The following XRN1 variants were observed in gnomAD, a reference collection of about 807,000 sequenced individuals.
The protein encoded by XRN1 is strand-exchange protein 1 homolog.
XRN1 carries 67 observed loss-of-function variants against 222.3 expected under a neutral mutation model. That is an observed-to-expected ratio of 0.30 (90% CI 0.25 to 0.37). The LOEUF is 0.37. XRN1 is among the 10% of genes least tolerant of loss of function. The probability of loss-of-function intolerance (pLI) is 1.00; values close to 1 mark genes in which losing one functional copy is unlikely to be tolerated. For synonymous variants in XRN1, 643 were observed against 652.4 expected, an observed-to-expected ratio of 0.99 and a Z score of 0.22; for missense variants, 1,707 against 2,000.2, an observed-to-expected ratio of 0.85 and a Z score of 2.80.
intron 15 of XRN1, among the ~76,000 whole-genome samples, chr3:142,405,585 A>G (rs1253763278): frequency 3.9e-5 from 6 of 152,182 alleles, no homozygotes; most frequent in Admixed American, 3.9e-4. Context: ...AGTAAAAAGT[A>G]ACCAGGGACT....
At chr3:142,391,185 T>G (rs575185546) in intron 20 of XRN1, among the ~76,000 whole-genome samples, 2 of 152,188 alleles carry the variant, frequency 1.3e-5, no homozygotes, top group South Asian at 4.1e-4. Context: ...AAAATGGCAC[T>G]GATAGAGTTG....
At chr3:142,419,551 T>C (rs531203675) in intron 10 of XRN1, among the ~76,000 whole-genome samples, 1 of 152,292 alleles carries the variant, frequency 6.6e-6, no homozygotes, top group South Asian at 2.1e-4. Flanking sequence ...GGCTCACGCC[T>C]GTAATCCCAG....
At chr3:142,422,995 TTAAATCAA>T in intron 6 of XRN1, 73 bp from the exon 7 acceptor site, 1 of 1,218,296 alleles carries the variant, frequency 8.2e-7, no homozygotes, top group Non-Finnish European at 1.2e-6. Context: ...GTAACAAAGC[TTAAATCAA>T]AAGTATCATC....
chr3:142,393,266 T>C (rs371962323), intron 20 of XRN1, among the ~76,000 whole-genome samples: 1 of 149,846 alleles, frequency 6.7e-6, no homozygotes, highest in Non-Finnish European at 1.5e-5. Flanking sequence ...TTTCTCCCAT[T>C]TTGTAGGTCG....
At chr3:142,399,139 C>CA (rs2068034008) in intron 19 of XRN1, among the ~76,000 whole-genome samples, 1 of 144,124 alleles carries the variant, frequency 6.9e-6, no homozygotes, top group Non-Finnish European at 1.5e-5. Context: ...AGGTTTAATA[C>CA]AATTCATATA....
intron 6 of XRN1, 30 bp from the exon 7 acceptor site, chr3:142,422,952 T>A (rs1165770001): frequency 6.5e-7 from 1 of 1,539,642 alleles, no homozygotes; most frequent in African/African-American, 1.4e-5. Flanking sequence ...CAAGATACAG[T>A]GAATTTTATT....
chr3:142,365,254 C>T lies in XRN1; in HGVS notation c.3261+56G>A, dbSNP rs986911768. ...TAATATACTGAAAACATCTTTGCTC[C>T]TTCCATGCATTCAAAGTGAAAGCAA... On this transcript the variant is annotated intron_variant, in intron 28 of 40. Transcript: ENST00000392981. 16 of 1,577,150 alleles carry T rather than the reference C, an allele frequency of 1.0e-5. No homozygotes were observed. The African/African-American group carries it at 1.9e-4, about 19-fold the overall frequency.
chr3:142,332,498 C>G lies in XRN1; in HGVS notation c.4099G>C (p.Asp1367His). The change falls in exon 36 of 41, where the codon GAT (aspartate) becomes CAT (histidine). Residue 1367 changes from aspartate to histidine, a missense_variant. By Grantham distance (81) the Asp-to-His change is moderately conservative. Coordinates refer to ENST00000392981, the MANE Select transcript of XRN1 (RefSeq NM_001282857.2). Reference protein sequence around the residue: ...TRMLKEILKIDGSNTVDHKNE... With the variant: ...TRMLKEILKIHGSNTVDHKNE... ...TTATGGTCCACAGTGTTAGAGCCAT[C>G]AATTTTTAGAATTTCTTTAAGCATC... 6.2e-7 allele frequency: 1 copy of G among 1,610,730 alleles called. No individual in the cohort carries two copies. The highest frequency in any genetic ancestry group is 1.1e-5 in the South Asian group (1 of 90,400).
chr3:142,404,072 G>T (rs947909828), intron 16 of XRN1, 83 bp from the exon 17 acceptor site: 12 of 1,180,500 alleles, frequency 1.0e-5, no homozygotes, highest in African/African-American at 7.8e-5. Flanking sequence ...TGTATATTTC[G>T]TAAGAGTCAT....
chr3:142,436,839 A>C (rs1289648644), intron 1 of XRN1, among the ~76,000 whole-genome samples: 1 of 152,224 alleles, frequency 6.6e-6, no homozygotes, highest in African/African-American at 2.4e-5. Context: ...TAGAAAAGTT[A>C]GAAAGTATAT....
At chr3:142,313,332 A>T (rs2065125675) in intron 39 of XRN1, among the ~76,000 whole-genome samples, 1 of 152,180 alleles carries the variant, frequency 6.6e-6, no homozygotes, top group Admixed American at 6.5e-5. Flanking sequence ...TGCCAAATCT[A>T]ATTTGTATAT....
At chr3:142,377,954 G>C (rs2067191268) in intron 23 of XRN1, among the ~76,000 whole-genome samples, 1 of 152,080 alleles carries the variant, frequency 6.6e-6, no homozygotes, top group South Asian at 2.1e-4. Flanking sequence ...GGCACCAGAT[G>C]GTAAGATTTT....
Position 142,403,746 on chromosome 3 carries a change from T to C in XRN1, c.2031A>G (p.Gln677=). Residue 677 remains glutamine, a synonymous_variant, in exon 18 of 41, where the codon CAA becomes CAG. Coordinates refer to ENST00000392981, the MANE Select transcript of XRN1 (RefSeq NM_001282857.2). The part of the protein sequence containing the change: ...HKFFLKKSGV[Q]VFQQSSRGEN... ...CTCCACGACTGCTTTGCTGGAATAC[T>C]TGAACACCACTTTTCTTCAAAAAAA... 5.0e-6 allele frequency: 8 copies of C among 1,613,230 alleles called. No individual in the cohort carries two copies. Among genetic ancestry groups the C allele is most frequent in the Admixed American group, 1.7e-5 (1 of 60,014 alleles).
chr3:142,399,001 C>A (rs890091133), intron 19 of XRN1, among the ~76,000 whole-genome samples: 1 of 151,212 alleles, frequency 6.6e-6, no homozygotes, highest in Non-Finnish European at 1.5e-5. Flanking sequence ...AAAACATGTA[C>A]CTGATCAGTA....
At position 142,384,697 on chromosome 3, in the gene XRN1, A is replaced by C; in HGVS notation, c.2340-12T>G. On this transcript the variant is annotated splice_polypyrimidine_tract_variant and intron_variant, in intron 20 of 40. Coordinates refer to ENST00000392981, the MANE Select transcript of XRN1 (RefSeq NM_001282857.2). ...TTCTTCTCAGGTAGCTAAAATAAAG[A>C]ATAAACATGAAATATACATATGAAT... The C allele has an allele frequency of 6.4e-7, 1 of 1,566,316 alleles. No individual in the cohort carries two copies. Among genetic ancestry groups the C allele is most frequent in the Non-Finnish European group, 8.7e-7 (1 of 1,153,774 alleles).
At chr3:142,400,831 C>G (rs746467903) in intron 18 of XRN1, among the ~76,000 whole-genome samples, 10 of 152,088 alleles carry the variant, frequency 6.6e-5, no homozygotes, top group Admixed American at 1.3e-4. Flanking sequence ...GCAGCAGAAT[C>G]GCTTGAACCC....
chr3:142,341,399 AAACAAAT>A (rs2107788113), intron 33 of XRN1, among the ~76,000 whole-genome samples: 1 of 152,194 alleles, frequency 6.6e-6, no homozygotes, highest in South Asian at 2.1e-4. Flanking sequence ...AACAACCAGA[AAACAAAT>A]AACAAAGTGG....
chr3:142,374,524 A>G (rs1177509452), intron 25 of XRN1, among the ~76,000 whole-genome samples: 2 of 152,334 alleles, frequency 1.3e-5, no homozygotes, highest in East Asian at 3.9e-4. Flanking sequence ...TTACTTCATC[A>G]TAAGGAAGTA....
chr3:142,333,785 T>C (rs1007566157), intron 34 of XRN1, among the ~76,000 whole-genome samples: 2 of 152,132 alleles, frequency 1.3e-5, no homozygotes, highest in Non-Finnish European at 2.9e-5. Flanking sequence ...TGTTAGAATA[T>C]GAGAAGACGC....
Sources: gnomAD v4.1 joint callset for allele counts (sites outside exome capture counted in the v4.1 genomes callset) on GRCh38, gnomAD v4.1.1 for gene constraint, MANE v1.5 for transcripts, NCBI Gene and HGNC (gene_info 2026-07-23, HGNC 2026-07-21) for gene names.